The following CNTNAP5 variants were observed in gnomAD, a reference collection of about 807,000 sequenced individuals.
The protein encoded by CNTNAP5 is contactin-associated protein-like 5.
CNTNAP5 carries 72 observed loss-of-function variants against 150.2 expected under a neutral mutation model. That is an observed-to-expected ratio of 0.48 (90% confidence interval 0.40 to 0.58). CNTNAP5 has a LOEUF of 0.58. CNTNAP5 is among the 20% of genes least tolerant of loss of function. The pLI is 0.00. For synonymous variants in CNTNAP5, 672 were observed against 619.8 expected (o/e 1.08, Z -1.25); for missense variants, 1,636 against 1,626.2 (o/e 1.01, Z -0.10).
intron 4 of CNTNAP5, among the ~76,000 whole-genome samples, chr2:124,427,995 C>T (rs2104788453): frequency 6.6e-6 from 1 of 152,310 alleles, no homozygotes; most frequent in South Asian, 2.1e-4. Flanking sequence ...TTCTAACAAG[C>T]TCCTTGGTGA....
At chr2:124,814,243 C>CTTT (rs113061644) in intron 19 of CNTNAP5, among the ~76,000 whole-genome samples, 1 of 143,374 alleles carries the variant, frequency 7.0e-6, no homozygotes. Context: ...CTCGAATCCT[C>CTTT]TTTTTTTTTT....
intron 17 of CNTNAP5, among the ~76,000 whole-genome samples, chr2:124,785,070 A>T (rs1488609319): frequency 2.0e-5 from 3 of 151,660 alleles, no homozygotes; most frequent in Non-Finnish European, 4.4e-5. Flanking sequence ...AAAGAAAAAG[A>T]AAAAGAAAAA....
At chr2:124,653,918 C>CCA (rs1553427454) in intron 13 of CNTNAP5, among the ~76,000 whole-genome samples, 2 of 137,960 alleles carry the variant, frequency 1.4e-5, no homozygotes, top group African/African-American at 5.4e-5. Flanking sequence ...CCAACCCCCC[C>CCA]CCCCCGCCAC....
chr2:124,821,856 C>A (rs759362827), intron 19 of CNTNAP5, among the ~76,000 whole-genome samples: 14 of 152,198 alleles, frequency 9.2e-5, no homozygotes, highest in Non-Finnish European at 1.9e-4. Flanking sequence ...TTTACGCAGT[C>A]CTCCAGATGA....
chr2:124,380,120 G>A (rs530682186), intron 3 of CNTNAP5, among the ~76,000 whole-genome samples: 9 of 152,126 alleles, frequency 5.9e-5, no homozygotes, highest in Admixed American at 2.6e-4. Context: ...TATATAAATT[G>A]TAATAGTTGA....
At chr2:124,780,093 C>A (rs1681417942) in intron 17 of CNTNAP5, among the ~76,000 whole-genome samples, 1 of 152,148 alleles carries the variant, frequency 6.6e-6, no homozygotes. Flanking sequence ...ATTAGGCAAG[C>A]CACTTACTCT....
At chr2:124,622,693 A>C (rs1173492161) in intron 12 of CNTNAP5, among the ~76,000 whole-genome samples, 2 of 151,994 alleles carry the variant, frequency 1.3e-5, no homozygotes, top group Non-Finnish European at 2.9e-5. Context: ...TCATTGGAAA[A>C]CACTCTACTT....
chr2:124,805,437 A>G (rs1372544872), intron 19 of CNTNAP5, among the ~76,000 whole-genome samples: 1 of 152,180 alleles, frequency 6.6e-6, no homozygotes, highest in Non-Finnish European at 1.5e-5. Context: ...GGGGCAACAT[A>G]GTCAAACACA....
chr2:124,657,143 G>T (rs1678476931), intron 13 of CNTNAP5, among the ~76,000 whole-genome samples: 1 of 152,168 alleles, frequency 6.6e-6, no homozygotes, highest in African/African-American at 2.4e-5. Context: ...GCCATTCAAA[G>T]AGTTCAGTTG....
chr2:124,903,355 A>G (rs1290701244), intron 22 of CNTNAP5, among the ~76,000 whole-genome samples: 1 of 152,058 alleles, frequency 6.6e-6, no homozygotes, highest in African/African-American at 2.4e-5. Flanking sequence ...TATATAATGC[A>G]TTGTGTATGT....
chr2:124,637,299 G>C (rs72845021), intron 12 of CNTNAP5, among the ~76,000 whole-genome samples: 3,227 of 152,148 alleles, frequency 0.021, 43 homozygotes, highest in Middle Eastern at 0.037. Context: ...TGGTTGGTTG[G>C]TTTTCATGAC....
chr2:124,464,915 A>T (rs573113948), intron 6 of CNTNAP5, among the ~76,000 whole-genome samples: 1 of 152,274 alleles, frequency 6.6e-6, no homozygotes, highest in South Asian at 2.1e-4. Context: ...TCCTTTTTTT[A>T]TACCTGTTTC....
At chr2:124,153,757 A>G (rs2104637813) in intron 1 of CNTNAP5, among the ~76,000 whole-genome samples, 1 of 151,574 alleles carries the variant, frequency 6.6e-6, no homozygotes, top group South Asian at 2.1e-4. Flanking sequence ...TTACAGGCGT[A>G]TGCCACCACA....
At chr2:124,809,932 C>A (rs1166686553) in intron 19 of CNTNAP5, among the ~76,000 whole-genome samples, 1 of 152,126 alleles carries the variant, frequency 6.6e-6, no homozygotes, top group Non-Finnish European at 1.5e-5. Context: ...AATCCTAAAT[C>A]TCCTAAAGAT....
At chr2:124,465,905 G>C (rs1693366368) in intron 6 of CNTNAP5, among the ~76,000 whole-genome samples, 1 of 152,092 alleles carries the variant, frequency 6.6e-6, no homozygotes, top group East Asian at 1.9e-4. Flanking sequence ...CTTGGATGGA[G>C]GGAACGAGAT....
chr2:124,231,444 G>T (rs569933254), intron 2 of CNTNAP5, among the ~76,000 whole-genome samples: 4 of 152,168 alleles, frequency 2.6e-5, no homozygotes, highest in African/African-American at 9.6e-5. Flanking sequence ...TTGAATCTAG[G>T]TCTGTCTACT....
At chr2:124,820,814 G>A (rs1682470276) in intron 19 of CNTNAP5, among the ~76,000 whole-genome samples, 1 of 152,194 alleles carries the variant, frequency 6.6e-6, no homozygotes, top group Admixed American at 6.5e-5. Flanking sequence ...AATATTATAT[G>A]CCACTTACTT....
chr2:124,411,129 G>C (rs1208908565), intron 3 of CNTNAP5, among the ~76,000 whole-genome samples: 1 of 152,146 alleles, frequency 6.6e-6, no homozygotes, highest in Non-Finnish European at 1.5e-5. Context: ...AGAAAATCTA[G>C]AAGAAATGGA....
intron 13 of CNTNAP5, among the ~76,000 whole-genome samples, chr2:124,681,982 T>A (rs1015244043): frequency 3.3e-5 from 5 of 152,342 alleles, no homozygotes; most frequent in African/African-American, 1.2e-4. Flanking sequence ...AATGCTTTGC[T>A]ATGTGTCTTC....
Sources: gnomAD v4.1 joint callset for allele counts (sites outside exome capture counted in the v4.1 genomes callset) on GRCh38, gnomAD v4.1.1 for gene constraint, MANE v1.5 for transcripts, NCBI Gene and HGNC (gene_info 2026-07-23, HGNC 2026-07-21) for gene names.